Variants in SRSF3 observed in about 807,000 individuals in gnomAD.
SRSF3 encodes serine/arginine-rich splicing factor 3.
For missense variants in SRSF3, 58 were observed against 217.1 expected, an observed-to-expected ratio of 0.27 and a Z score of 4.61; for synonymous variants, 87 against 73.6, an observed-to-expected ratio of 1.18 and a Z score of -0.93.
At chr6:36,601,560 TC>T in intron 4 of SRSF3, 147 bp from the exon 5 acceptor site, 3 of 726,678 alleles carry the variant, frequency 4.1e-6, no homozygotes, top group Middle Eastern at 4.1e-4. Flanking sequence ...TCCAATCTGT[TC>T]TCAAACTCTT....
chr6:36,601,527 G>A (rs1192273662), intron 4 of SRSF3, 181 bp from the exon 5 acceptor site: 1 of 614,624 alleles, frequency 1.6e-6, no homozygotes, highest in Non-Finnish European at 2.8e-6. Flanking sequence ...TATTTTTTGT[G>A]GAGATGGGAT....
rs1582516352 is a variant in SRSF3 at position 36,603,368 on chromosome 6, A to G, written c.*1379A>G. 4.5e-6 allele frequency: 1 copy of G among 224,648 alleles called. No homozygotes were observed. The highest frequency in any genetic ancestry group is 6.5e-5 in the East Asian group (1 of 15,348). The allele number at this position is 224,648 out of a possible 1,614,324, so 13.9% of individuals were successfully genotyped here. A position where few individuals can be genotyped will look rare whatever the true frequency, so the allele number is the denominator to read the frequency against. ...TGGAGGCATGCATAACCTTCCTCTT[A>G]GAAAATGGCAGGTGTTGTAATTTCA... On this transcript the variant is annotated 3_prime_UTR_variant, in exon 6 of 6. Coordinates refer to ENST00000373715, the MANE Select transcript of SRSF3 (RefSeq NM_003017.5).
At position 36,596,580 on chromosome 6, in the gene SRSF3, G is replaced by T. The variant is rs1305400016; in HGVS notation, c.-2-181G>T. 4.2e-5 allele frequency among the ~76,000 whole-genome samples: 6 copies of T among 144,086 alleles called. 1 individual carries two copies. Among genetic ancestry groups the T allele is most frequent in the African/African-American group, 7.8e-5 (3 of 38,604 alleles). 94.5% of individuals were successfully genotyped at this position (144,086 alleles called of 152,430 possible). ...AGATAATGGGGCGGGGTGGCGGGGGGGGGGAAATGGGTGCTTAGCAGTAAC... is the reference window on the plus strand; with the variant it reads ...AGATAATGGGGCGGGGTGGCGGGGGTGGGGAAATGGGTGCTTAGCAGTAAC... On this transcript the variant is annotated intron_variant, in intron 1 of 5. Coordinates refer to ENST00000373715, the MANE Select transcript of SRSF3 (RefSeq NM_003017.5).
intron 2 of SRSF3, 135 bp downstream of exon 2, chr6:36,597,103 T>A: frequency 3.0e-6 from 2 of 658,776 alleles, no homozygotes; most frequent in Non-Finnish European, 4.9e-6. Flanking sequence ...GGATCTTTTT[T>A]TTTTTTTTTT....
rs1778737382 is a variant in SRSF3 at position 36,602,671 on chromosome 6, A to G, written c.*682A>G. 4.7e-6 allele frequency: 1 copy of G among 214,510 alleles called. No individual in the cohort carries two copies. Among genetic ancestry groups the G allele is most frequent in the East Asian group, 7.0e-5 (1 of 14,322 alleles). 13.3% of individuals were successfully genotyped at this position (214,510 alleles called of 1,614,324 possible). On this transcript the variant is annotated 3_prime_UTR_variant, in exon 6 of 6. Transcript: ENST00000373715. ...AAATGTCCTGCCAGTTTAAGGGTACATTGTAGAGCCGAACTTTGAGTTACT... is the reference window on the plus strand; with the variant it reads ...AAATGTCCTGCCAGTTTAAGGGTACGTTGTAGAGCCGAACTTTGAGTTACT...
rs968130907 is a variant in SRSF3, at chr6:36,602,464, A to G, written c.*475A>G. ...ATCAGGGAAAACGAAATGCTGCACT[A>G]TTAAATTAGAGGTTTTTGAAAAATC... On this transcript the variant is annotated 3_prime_UTR_variant, in exon 6 of 6. Coordinates refer to ENST00000373715, the MANE Select transcript of SRSF3 (RefSeq NM_003017.5). The G allele has an allele frequency of 1.3e-5, 3 of 226,326 alleles. No homozygotes were observed. Among genetic ancestry groups the G allele is most frequent in the Middle Eastern group, 2.8e-3 (2 of 724 alleles). 14.0% of individuals were successfully genotyped at this position (226,326 alleles called of 1,614,324 possible).
chr6:36,597,094 GATCT>G, intron 2 of SRSF3, 126 bp downstream of exon 2: 1 of 614,096 alleles, frequency 1.6e-6, no homozygotes, highest in Non-Finnish European at 2.7e-6. Context: ...ATACAATTGG[GATCT>G]TTTTTTTTTT....
intron 2 of SRSF3, among the ~76,000 whole-genome samples, chr6:36,597,649 G>A (rs1262164882): frequency 2.6e-5 from 4 of 152,130 alleles, no homozygotes; most frequent in Non-Finnish European, 4.4e-5. Context: ...GGAAAAAGGA[G>A]CTGAGTGTTC....
At chr6:36,601,017 T>TTTTTTTC (rs1778706673) in intron 3 of SRSF3, 135 bp from the exon 4 acceptor site, 1 of 317,820 alleles carries the variant, frequency 3.1e-6, no homozygotes, top group East Asian at 5.9e-5. Context: ...TTTTTTTTTT[T>TTTTTTTC]TTTTTTTTTG....
chr6:36,596,679 C>T (rs897164617), intron 1 of SRSF3, 82 bp from the exon 2 acceptor site: 19 of 1,277,328 alleles, frequency 1.5e-5, no homozygotes, highest in African/African-American at 1.0e-4. Context: ...CTTGTCCTCT[C>T]TAATGGAGTT....
In SRSF3 at chr6:36,601,724, A is replaced by C. The variant is rs1415659718; in HGVS notation, c.397A>C (p.Arg133=). ...CTTGTTTAGGTCCCTTTCTAGAGAT[A>C]GGAGAAGAGAGAGATCGCTGTCTCG... The part of the protein sequence containing the change: ...RSRSRSLSRD[R]RRERSLSRER... Residue 133 remains arginine (R), a synonymous_variant, in exon 5 of 6, where the codon AGG becomes CGG. Coordinates refer to ENST00000373715, the MANE Select transcript of SRSF3 (RefSeq NM_003017.5). 2.5e-6 allele frequency: 4 copies of C among 1,605,914 alleles called. No individual in the cohort carries two copies. The highest frequency in any genetic ancestry group is 3.4e-6 in the Non-Finnish European group (4 of 1,173,688).
chr6:36,597,968 T>A (rs1319443057), intron 2 of SRSF3, among the ~76,000 whole-genome samples: 1 of 152,202 alleles, frequency 6.6e-6, no homozygotes, highest in East Asian at 1.9e-4. Flanking sequence ...GTGCTGGGAT[T>A]ACAGGCATGA....
chr6:36,595,645 A>C (rs139346848), intron 1 of SRSF3, among the ~76,000 whole-genome samples: 1 of 152,158 alleles, frequency 6.6e-6, no homozygotes, highest in Non-Finnish European at 1.5e-5. Flanking sequence ...AGATTTTCCA[A>C]CGTTGGAGGA....
intron 3 of SRSF3, among the ~76,000 whole-genome samples, 179 bp downstream of exon 3, chr6:36,599,162 T>G (rs1778678240): frequency 6.6e-6 from 1 of 152,350 alleles, no homozygotes; most frequent in East Asian, 1.9e-4. Flanking sequence ...CTTTTGTCTT[T>G]AGGTCACTGT....
chr6:36,602,290 C>A lies in SRSF3; in HGVS notation c.*301C>A. On this transcript the variant is annotated 3_prime_UTR_variant, in exon 6 of 6. Transcript: ENST00000373715. Reference sequence around the variant, plus strand: ...GACTGATAATAAACCTCTAAACCTGCCCAGCGGAAGTGTGTTTTTTTTTAA... The same window carrying A: ...GACTGATAATAAACCTCTAAACCTGACCAGCGGAAGTGTGTTTTTTTTTAA... 1 of 371,652 alleles carries A rather than the reference C, an allele frequency of 2.7e-6. No homozygotes were observed. The highest frequency in any genetic ancestry group is 4.7e-6 in the Non-Finnish European group (1 of 214,132). 23.0% of individuals were successfully genotyped at this position (371,652 alleles called of 1,614,324 possible).
intron 2 of SRSF3, among the ~76,000 whole-genome samples, chr6:36,597,399 C>T (rs921548314): frequency 5.9e-5 from 9 of 152,088 alleles, no homozygotes; most frequent in Admixed American, 2.0e-4. Flanking sequence ...AGCCACTGTG[C>T]CCAGCCAGGA....
intron 2 of SRSF3, 195 bp downstream of exon 2, chr6:36,597,163 G>A: frequency 1.7e-6 from 1 of 594,710 alleles, no homozygotes; most frequent in Non-Finnish European, 2.9e-6. Flanking sequence ...GGAGTGCAGT[G>A]GTACAGTCTC....
At chr6:36,594,952 C>G (rs1778600846) in intron 1 of SRSF3, among the ~76,000 whole-genome samples, 1 of 152,062 alleles carries the variant, frequency 6.6e-6, no homozygotes, top group Non-Finnish European at 1.5e-5. Flanking sequence ...TTTCTAAGAC[C>G]GAAAGATCTT....
At position 36,602,113 on chromosome 6, in the gene SRSF3, T is replaced by G; in HGVS notation, c.*124T>G. 1 of 1,499,002 alleles carries G rather than the reference T, an allele frequency of 6.7e-7. No individual in the cohort carries two copies. The highest frequency in any genetic ancestry group is 8.9e-7 in the Non-Finnish European group (1 of 1,124,964). The allele number at this position is 1,499,002 out of a possible 1,614,324, so 92.9% of individuals were successfully genotyped here. ...TGCATTTTTAAGATGTTTTAGCTGTTCAAATCTGTTTGTCTCTTGAAACAG... is the reference window on the plus strand; with the variant it reads ...TGCATTTTTAAGATGTTTTAGCTGTGCAAATCTGTTTGTCTCTTGAAACAG... On this transcript the variant is annotated 3_prime_UTR_variant, in exon 6 of 6. Coordinates refer to ENST00000373715, the MANE Select transcript of SRSF3 (RefSeq NM_003017.5).
Sources: gnomAD v4.1 joint callset for allele counts (sites outside exome capture counted in the v4.1 genomes callset) on GRCh38, gnomAD v4.1.1 for gene constraint, MANE v1.5 for transcripts, NCBI Gene and HGNC (gene_info 2026-07-23, HGNC 2026-07-21) for gene names.